Variants in SPATA7 observed in about 807,000 individuals in gnomAD.
SPATA7 encodes spermatogenesis associated 7.
Under a neutral mutation model 51.8 loss-of-function variants are expected in SPATA7, and 43 were observed. The ratio of observed to expected loss-of-function variants is 0.83; its 90% CI spans 0.65 to 1.07. SPATA7 has a LOEUF of 1.07. SPATA7 is among the 50% of genes least tolerant of loss of function. SPATA7 has a pLI of 0.00. For synonymous variants in SPATA7, 230 were observed against 252.8 expected, an observed-to-expected ratio of 0.91 and a Z score of 0.86; for missense variants, 683 against 701.3, an observed-to-expected ratio of 0.97 and a Z score of 0.30.
chr14:88,454,819 A>T (rs775740301), intron 3 of SPATA7, among the ~76,000 whole-genome samples: 9 of 152,210 alleles, frequency 5.9e-5, no homozygotes, highest in Non-Finnish European at 1.0e-4. Context: ...AAAAGAAAAA[A>T]AAAGAAAGCC....
intron 1 of SPATA7, among the ~76,000 whole-genome samples, chr14:88,386,872 A>G (rs2075594372): frequency 2.0e-5 from 3 of 152,230 alleles, no homozygotes; most frequent in South Asian, 4.1e-4. Flanking sequence ...CTCCGAATGT[A>G]GGAGATAACT....
At chr14:88,412,821 C>T (rs765190289) in intron 4 of SPATA7, among the ~76,000 whole-genome samples, 9 of 152,104 alleles carry the variant, frequency 5.9e-5, no homozygotes, top group Non-Finnish European at 8.8e-5. Flanking sequence ...TCTCACTTGT[C>T]AATTTTTGTT....
intron 9 of SPATA7, among the ~76,000 whole-genome samples, chr14:88,431,869 T>C (rs2076950409): frequency 1.3e-5 from 2 of 152,182 alleles, no homozygotes; most frequent in South Asian, 4.1e-4. Flanking sequence ...CACTAATCTC[T>C]CTTACAACCA....
intron 8 of SPATA7, among the ~76,000 whole-genome samples, chr14:88,429,942 G>C (rs2076896429): frequency 7.2e-6 from 1 of 139,358 alleles, no homozygotes; most frequent in Non-Finnish European, 1.6e-5. Context: ...GTCTCTCTCT[G>C]TTGTCCAGGC....
At chr14:88,398,050 C>T (rs2075941541) in intron 4 of SPATA7, among the ~76,000 whole-genome samples, 1 of 151,560 alleles carries the variant, frequency 6.6e-6, no homozygotes, top group African/African-American at 2.4e-5. Context: ...TCACTGCACT[C>T]CAGCCTGGGC....
chr14:88,422,463 T>G lies in SPATA7; in HGVS notation c.373-3769T>G, dbSNP rs2076672012. Among the ~76,000 whole-genome samples, 3 of 151,920 alleles carry G rather than the reference T, an allele frequency of 2.0e-5. No individual in the cohort carries two copies. In the South Asian group the frequency reaches 6.2e-4, roughly 32 times the overall value. On this transcript the variant is annotated intron_variant, in intron 5 of 11. Coordinates refer to ENST00000393545, the MANE Select transcript of SPATA7 (RefSeq NM_018418.5). ...TACTTTTTAACAGAAAATTTAAAAT[T>G]TGTTTCTATTATTCAGCATGAGTAT...
chr14:88,407,750 T>G (rs2076235977), intron 4 of SPATA7, among the ~76,000 whole-genome samples: 1 of 152,212 alleles, frequency 6.6e-6, no homozygotes, highest in African/African-American at 2.4e-5. Flanking sequence ...GGTCTTACAT[T>G]TAAGTCTTTA....
At position 88,426,482 on chromosome 14, in the gene SPATA7, C is replaced by G. The variant is rs1322701977; in HGVS notation, c.623C>G (p.Pro208Arg). The G allele has an allele frequency of 6.2e-7, 1 of 1,614,032 alleles. No homozygotes were observed. Among genetic ancestry groups the G allele is most frequent in the Non-Finnish European group, 8.5e-7 (1 of 1,180,024 alleles). Residue 208 changes from proline to arginine, a missense_variant, in exon 6 of 12, where the codon CCA (proline) becomes CGA (arginine). Coordinates refer to ENST00000393545, the MANE Select transcript of SPATA7 (RefSeq NM_018418.5). ...GGCAGAAGGCCCAGAAGCACATTCC[C>G]AAATTCCCACCGGTTTCAGTTAGTC... ...LYGRRPRSTF[P>R]NSHRFQLVIS...
At chr14:88,457,011 G>C (rs1004270696), downstream of SPATA7, among the ~76,000 whole-genome samples, 2 of 152,080 alleles carry the variant, frequency 1.3e-5, no homozygotes, top group African/African-American at 4.8e-5. Context: ...TTTTTGTCAG[G>C]TTTGTCAAAG....
At chr14:88,468,306 T>G in intron 4 of SPATA7, 1 of 1,542,798 alleles carries the variant, frequency 6.5e-7, no homozygotes, top group Non-Finnish European at 8.8e-7. Context: ...TGTGTTCCCC[T>G]GGGGAGACAG....
chr14:88,470,137 G>GT, exon 5 of SPATA7: 2 of 1,398,176 alleles, frequency 1.4e-6, no homozygotes, highest in South Asian at 1.3e-5. Flanking sequence ...TACTAAAAAA[G>GT]TTTTTTTAAA....
intron 3 of SPATA7, among the ~76,000 whole-genome samples, chr14:88,452,506 T>C (rs1227707055): frequency 6.6e-6 from 1 of 152,174 alleles, no homozygotes; most frequent in African/African-American, 2.4e-5. Context: ...TTATGTCCTT[T>C]TTTTTGGAGT....
intron 7 of SPATA7, 123 bp from the exon 8 acceptor site, chr14:88,429,222 TGTC>T: frequency 1.6e-6 from 1 of 618,738 alleles, no homozygotes; most frequent in Non-Finnish European, 3.0e-6. Flanking sequence ...AAATATTCTT[TGTC>T]GTACTGTATA....
chr14:88,395,205 TCAAAA>T (rs1431743641), intron 3 of SPATA7, among the ~76,000 whole-genome samples: 1 of 152,112 alleles, frequency 6.6e-6, no homozygotes, highest in East Asian at 1.9e-4. Flanking sequence ...GGTATAGTTA[TCAAAA>T]CCAGGAAATC....
chr14:88,387,077 T>C (rs1402878923), intron 1 of SPATA7, among the ~76,000 whole-genome samples: 4 of 152,158 alleles, frequency 2.6e-5, no homozygotes, highest in Non-Finnish European at 5.9e-5. Context: ...TATTTCATAG[T>C]GAAGAAACTA....
chr14:88,431,071 A>C, intron 8 of SPATA7, 101 bp from the exon 9 acceptor site: 1 of 1,062,218 alleles, frequency 9.4e-7, no homozygotes, highest in South Asian at 1.3e-5. Flanking sequence ...CCAAACATCT[A>C]AGATAAGGGC....
At chr14:88,459,659 T>C (rs969198334), downstream of SPATA7, among the ~76,000 whole-genome samples, 1 of 152,196 alleles carries the variant, frequency 6.6e-6, no homozygotes, top group Non-Finnish European at 1.5e-5. Context: ...GGGTCTTGAC[T>C]CTTTATCCGT....
At chr14:88,419,756 A>G (rs1259998714) in intron 5 of SPATA7, among the ~76,000 whole-genome samples, 4 of 151,714 alleles carry the variant, frequency 2.6e-5, no homozygotes, top group Admixed American at 2.6e-4. Flanking sequence ...CGATCTCCTG[A>G]CCTCGTGATC....
At chr14:88,392,047 TG>T (rs1424786458) in intron 2 of SPATA7, among the ~76,000 whole-genome samples, 1 of 152,214 alleles carries the variant, frequency 6.6e-6, no homozygotes, top group African/African-American at 2.4e-5. Flanking sequence ...TCTTTGATAC[TG>T]TTACCTCCAA....
Sources: gnomAD v4.1 joint callset for allele counts (sites outside exome capture counted in the v4.1 genomes callset) on GRCh38, gnomAD v4.1.1 for gene constraint, MANE v1.5 for transcripts, NCBI Gene and HGNC (gene_info 2026-07-23, HGNC 2026-07-21) for gene names.